Variants in MUC3A observed in about 807,000 individuals in gnomAD.
The protein encoded by MUC3A is mucin 3A, cell surface associated.
In MUC3A, 109 loss-of-function variants were observed where a neutral mutation model predicts 109.0. The ratio of observed to expected loss-of-function variants is 1.00; its 90% CI spans 0.86 to 1.17. The LOEUF (loss-of-function observed/expected upper bound fraction) is 1.17, where lower values mean the gene tolerates loss of function less well. MUC3A is among the 50% of genes most tolerant of loss of function. The pLI, the probability that MUC3A is intolerant of heterozygous loss-of-function variation, is 0.00. For synonymous variants in MUC3A, 1,398 were observed against 981.4 expected (o/e 1.42, Z -7.93); for missense variants, 3,537 against 2,469.4 (o/e 1.43, Z -9.16).
rs1271222132 is a variant in MUC3A, at chr7:100,962,148, C to T, written c.9053-1003C>T. Among the ~76,000 whole-genome samples the T allele has an allele frequency of 7.1e-5, 5 of 70,674 alleles. 2 individuals carry two copies. The highest frequency in any genetic ancestry group is 1.0e-3 in the South Asian group (2 of 1,966). The allele number at this position is 70,674 out of a possible 152,430, so 46.4% of individuals were successfully genotyped here. The stretch of plus-strand genomic sequence containing the variant: ...TTGGGAGGCTGAGGCGGGAGAATGG[C>T]GTGAACCCGGGAGGCGGAGCTTGCA... On this transcript the variant is annotated intron_variant, in intron 3 of 11. Coordinates refer to ENST00000379458, the MANE Select transcript of MUC3A (RefSeq NM_005960.2).
chr7:100,963,991 G>C, intron 5 of MUC3A: 1 of 642,456 alleles, frequency 1.6e-6, no homozygotes, highest in South Asian at 1.9e-5. Context: ...GGACATGTGG[G>C]AAGGTGGTGC....
intron 8 of MUC3A, 172 bp from the exon 9 acceptor site, chr7:100,966,214 T>G: frequency 9.0e-6 from 3 of 332,014 alleles, no homozygotes; most frequent in South Asian, 3.4e-4. Context: ...TCACCTAGGG[T>G]AGAGCCCCGG....
rs1792080104 is a variant in MUC3A at position 100,955,775 on chromosome 7, AT to A, written c.3997del (p.Ser1333ProfsTer11). The A allele has an allele frequency of 6.1e-6, 2 of 330,020 alleles. No individual in the cohort carries two copies. The highest frequency in any genetic ancestry group is 7.7e-5 in the African/African-American group (2 of 26,100). 20.4% of individuals were successfully genotyped at this position (330,020 alleles called of 1,614,324 possible). A position where few individuals can be genotyped will look rare whatever the true frequency, so the allele number is the denominator to read the frequency against. ...CCACTACCACCACCTCATTCACCAC[AT>A]CCCCAACGATGGAACCACCTTCAAC... ...APTTTTSFTTSPTMEPPSTTV... is the reference protein window; with the variant it reads ...APTTTTSFTTXPTMEPPSTTV... On this transcript the variant is annotated frameshift_variant, in exon 2 of 12. Coordinates refer to ENST00000379458, the MANE Select transcript of MUC3A (RefSeq NM_005960.2). LOFTEE classifies it high-confidence loss of function.
chr7:100,954,551 A>G lies in MUC3A; in HGVS notation c.2772A>G (p.Thr924=), dbSNP rs1203269526. 2 of 400,976 alleles carry G rather than the reference A, an allele frequency of 5.0e-6. No individual in the cohort carries two copies. The allele number at this position is 400,976 out of a possible 1,614,324, so 24.8% of individuals were successfully genotyped here. Residue 924 remains threonine, a synonymous_variant, in exon 2 of 12, where the codon ACA becomes ACG. Coordinates refer to ENST00000379458, the MANE Select transcript of MUC3A (RefSeq NM_005960.2). ...MSESSAGTTH[T]ESISSPRGTT... is the part of the protein sequence containing the mutation. The stretch of plus-strand genomic sequence containing the variant: ...AAAGTAGTGCTGGGACCACTCACAC[A>G]GAGAGTATCTCCTCACCTCGAGGCA...
Position 100,963,766 on chromosome 7 carries a change from C to G in MUC3A, c.9233+14C>G. ...CCTGTCCCTGAGGTAGGAGACCCAT[C>G]TGGGGATGCGGAGGCGGTGTTGGGT... is the stretch of plus-strand genomic sequence containing the variant. On this transcript the variant is annotated intron_variant, in intron 5 of 11. Coordinates refer to ENST00000379458, the MANE Select transcript of MUC3A (RefSeq NM_005960.2). The G allele has an allele frequency of 6.3e-7, 1 of 1,598,576 alleles. No homozygotes were observed. Among genetic ancestry groups the G allele is most frequent in the Admixed American group, 1.7e-5 (1 of 60,034 alleles).
chr7:100,952,136 G>A lies in MUC3A; in HGVS notation c.357G>A (p.Val119=). The change falls in exon 2 of 12, where the codon GTG becomes GTA. Residue 119 remains valine (V), a synonymous_variant. Transcript: ENST00000379458. ...AGGTTGAAACCACTCCACCCACCGT[G>A]TTGGTCTATTCAGCCACCACTGAGT... The part of the protein sequence containing the change: ...AFKVETTPPT[V]LVYSATTECV... 1 of 1,598,548 alleles carries A rather than the reference G, an allele frequency of 6.3e-7. No individual in the cohort carries two copies. The highest frequency in any genetic ancestry group is 8.5e-7 in the Non-Finnish European group (1 of 1,179,758).
chr7:100,965,768 C>T lies in MUC3A; in HGVS notation c.9513C>T (p.Thr3171=), dbSNP rs376595013. Residue 3171 remains threonine (T), a synonymous_variant, in exon 8 of 12, where the codon ACC becomes ACT. Transcript: ENST00000379458. The part of the protein sequence containing the change: ...EEFYFPLVEA[T]RLRCVTKCTS... ...TCTACTTCCCCTTGGTGGAGGCCAC[C>T]CGGCTCCGCTGTGTCACCAAATGCA... is the stretch of plus-strand genomic sequence containing the variant. The T allele has an allele frequency of 6.3e-7, 1 of 1,597,910 alleles. No homozygotes were observed. Among genetic ancestry groups the T allele is most frequent in the Admixed American group, 1.7e-5 (1 of 59,998 alleles).
rs1325525530 is a variant in MUC3A, at chr7:100,952,151, C to A, written c.372C>A (p.Ala124=). Residue 124 remains alanine (A), a synonymous_variant, in exon 2 of 12, where the codon GCC becomes GCA. Coordinates refer to ENST00000379458, the MANE Select transcript of MUC3A (RefSeq NM_005960.2). The part of the protein sequence containing the change: ...TTPPTVLVYS[A]TTECVYPTSF... ...CACCCACCGTGTTGGTCTATTCAGC[C>A]ACCACTGAGTGCGTGTATCCAACGA... 6.3e-7 allele frequency: 1 copy of A among 1,598,398 alleles called. No individual in the cohort carries two copies. The highest frequency in any genetic ancestry group is 1.7e-5 in the Admixed American group (1 of 60,008).
At chr7:100,962,416 T>G (rs953331388) in intron 3 of MUC3A, among the ~76,000 whole-genome samples, 5 of 1,486 alleles carry the variant, frequency 3.4e-3, no homozygotes, top group Non-Finnish European at 0.033. Context: ...AGACCCTATC[T>G]CAACAATAAA....
rs765304226 is a variant in MUC3A, at chr7:100,959,062, C to T, written c.7283C>T (p.Ser2428Phe). Residue 2428 changes from serine to phenylalanine, a missense_variant, in exon 2 of 12, where the codon TCT becomes TTT. By Grantham distance (155) the Ser-to-Phe change is radical (BLOSUM62 -2). Transcript: ENST00000379458. Reference sequence around the variant, plus strand: ...TCACACAGTACTCCTGGCTTCACTTCTTCAATCACCACCACTGAGACCACC... The same window carrying T: ...TCACACAGTACTCCTGGCTTCACTTTTTCAATCACCACCACTGAGACCACC... ...TTSHSTPGFT[S>F]SITTTETTSE... 28 of 1,593,120 alleles carry T rather than the reference C, an allele frequency of 1.8e-5. No individual in the cohort carries two copies. The highest frequency in any genetic ancestry group is 3.3e-5 in the Admixed American group (2 of 59,712).
At chr7:100,949,804 C>A in intron 1 of MUC3A, 119 bp downstream of exon 1, 2 of 1,018,712 alleles carry the variant, frequency 2.0e-6, no homozygotes, top group Non-Finnish European at 2.7e-6. Flanking sequence ...CCGCTTGGGG[C>A]TCTGGGTGCA....
At position 100,957,216 on chromosome 7, in the gene MUC3A, A is replaced by G. The variant is rs1792120930; in HGVS notation, c.5437A>G (p.Thr1813Ala). The change falls in exon 2 of 12, where the codon ACC (threonine) becomes GCC (alanine). Residue 1813 changes from threonine to alanine, a missense_variant. Transcript: ENST00000379458. ...VPSTEAITSG[T>A]TNTTPLSTLV... ...AAGTACAGAAGCGATCACCAGTGGT[A>G]CCACAAACACCACCCCTCTATCTAC... The G allele has an allele frequency of 1.3e-5, 6 of 472,062 alleles. No individual in the cohort carries two copies. Among genetic ancestry groups the G allele is most frequent in the Non-Finnish European group, 2.2e-5 (6 of 271,160 alleles). The allele number at this position is 472,062 out of a possible 1,614,324, so 29.2% of individuals were successfully genotyped here. A position where few individuals can be genotyped will look rare whatever the true frequency, so the allele number is the denominator to read the frequency against.
chr7:100,950,884 TG>T (rs942799954), intron 1 of MUC3A, among the ~76,000 whole-genome samples: 3 of 152,308 alleles, frequency 2.0e-5, no homozygotes, highest in African/African-American at 7.2e-5. Context: ...TAGCTCCTTC[TG>T]GAAGTTTCCT....
At position 100,960,235 on chromosome 7, in the gene MUC3A, T is replaced by A. The variant is rs1289335626; in HGVS notation, c.8456T>A (p.Ile2819Asn). ...GAAATGGTCACCTGTCCTACCTCCA[T>A]CAGTATCCAAACTACTCTTACTACA... The part of the protein sequence containing the change: ...TTEMVTCPTS[I>N]SIQTTLTTYM... The change falls in exon 2 of 12, where the codon ATC (isoleucine) becomes AAC (asparagine). Residue 2819 changes from isoleucine (I) to asparagine (N), a missense_variant. Physicochemically the swap from Ile to Asn is moderately radical, Grantham distance 149. Transcript: ENST00000379458. 2.5e-6 allele frequency: 4 copies of A among 1,598,178 alleles called. No homozygotes were observed. Among genetic ancestry groups the A allele is most frequent in the Non-Finnish European group, 3.4e-6 (4 of 1,179,634 alleles).
chr7:100,957,142 A>C lies in MUC3A; in HGVS notation c.5363A>C (p.Asn1788Thr). 1 of 463,240 alleles carries C rather than the reference A, an allele frequency of 2.2e-6. No homozygotes were observed. Among genetic ancestry groups the C allele is most frequent in the Non-Finnish European group, 3.8e-6 (1 of 264,926 alleles). 28.7% of individuals were successfully genotyped at this position (463,240 alleles called of 1,614,324 possible). ...ACCCCTCTAGGGCCCACAGCCACTA[A>C]TACGTTACCATCATTTACCAGTAGC... ...TTTPLGPTAT[N>T]TLPSFTSSVS... The change falls in exon 2 of 12, where the codon AAT becomes ACT. Residue 1788 changes from asparagine (N) to threonine (T), a missense_variant. Asn to Thr is a moderately conservative substitution (Grantham distance 65). Coordinates refer to ENST00000379458, the MANE Select transcript of MUC3A (RefSeq NM_005960.2).
In MUC3A at chr7:100,957,873, A is replaced by G. The variant is rs1792144220; in HGVS notation, c.6094A>G (p.Thr2032Ala). 1.4e-6 allele frequency: 1 copy of G among 727,892 alleles called. No homozygotes were observed. The highest frequency in any genetic ancestry group is 1.9e-5 in the African/African-American group (1 of 53,372). The allele number at this position is 727,892 out of a possible 1,614,324, so 45.1% of individuals were successfully genotyped here. A position where few individuals can be genotyped will look rare whatever the true frequency, so the allele number is the denominator to read the frequency against. The change falls in exon 2 of 12, where the codon ACC becomes GCC. Residue 2032 changes from threonine to alanine, a missense_variant. Physicochemically the swap from Thr to Ala is moderately conservative, Grantham distance 58. Transcript: ENST00000379458. The part of the protein sequence containing the change: ...NTPSLTSSIT[T>A]TETTSHSTPS... Reference sequence around the variant, plus strand: ...TCCCAGCTTGACTTCTTCGATCACAACCACCGAGACCACATCCCATAGTAC... The same window carrying G: ...TCCCAGCTTGACTTCTTCGATCACAGCCACCGAGACCACATCCCATAGTAC...
intron 5 of MUC3A, chr7:100,964,382 C>G (rs1360239467): frequency 2.7e-6 from 1 of 364,378 alleles, no homozygotes; most frequent in Non-Finnish European, 4.9e-6. Context: ...ATCACTTTAG[C>G]CCAGGAGTTG....
In MUC3A at chr7:100,952,115, T is replaced by C. The variant is rs1406940481; in HGVS notation, c.336T>C (p.Val112=). Residue 112 remains valine, a synonymous_variant, in exon 2 of 12, where the codon GTT becomes GTC. Coordinates refer to ENST00000379458, the MANE Select transcript of MUC3A (RefSeq NM_005960.2). ...CGACGTCCAAGTTTGCCTTCAAGGT[T>C]GAAACCACTCCACCCACCGTGTTGG... ...TTPTSKFAFK[V]ETTPPTVLVY... 4 of 1,598,492 alleles carry C rather than the reference T, an allele frequency of 2.5e-6. No homozygotes were observed. Among genetic ancestry groups the C allele is most frequent in the Non-Finnish European group, 3.4e-6 (4 of 1,179,816 alleles).
chr7:100,960,100 C>G lies in MUC3A; in HGVS notation c.8321C>G (p.Thr2774Arg), dbSNP rs777227736. 2 of 1,526,924 alleles carry G rather than the reference C, an allele frequency of 1.3e-6. No homozygotes were observed. The highest frequency in any genetic ancestry group is 1.7e-6 in the Non-Finnish European group (2 of 1,146,008). 94.6% of individuals were successfully genotyped at this position (1,526,924 alleles called of 1,614,324 possible). A position where few individuals can be genotyped will look rare whatever the true frequency, so the allele number is the denominator to read the frequency against. ...ACCACACCCTGTCCAGGAACTATAA[C>G]AATTACCATAGTCCCTGCCTCCCCC... ...PSTTPCPGTI[T>R]ITIVPASPTD... The change falls in exon 2 of 12, where the codon ACA becomes AGA. Residue 2774 changes from threonine (T) to arginine (R), a missense_variant. Coordinates refer to ENST00000379458, the MANE Select transcript of MUC3A (RefSeq NM_005960.2).
Sources: allele counts gnomAD v4.1 joint callset (sites outside exome capture counted in the v4.1 genomes callset), GRCh38; gene constraint gnomAD v4.1.1; transcripts MANE v1.5; gene names NCBI Gene and HGNC (gene_info 2026-07-23, HGNC 2026-07-21).